GRIK3: variants seen among roughly 807,000 people sequenced by gnomAD.
GRIK3 encodes glutamate ionotropic receptor kainate type subunit 3.
In GRIK3, 29 loss-of-function variants were observed where a neutral mutation model predicts 102.5. The observed-to-expected ratio is 0.28, with a 90% CI of 0.21 to 0.39. The LOEUF (loss-of-function observed/expected upper bound fraction) is 0.39. Ranked by LOEUF, GRIK3 falls within the 10% of genes least tolerant of loss-of-function variation. GRIK3 has a pLI of 1.00. For missense variants in GRIK3, 908 were observed against 1,252.4 expected, an observed-to-expected ratio of 0.73 and a Z score of 4.15; for synonymous variants, 511 against 504.9, an observed-to-expected ratio of 1.01 and a Z score of -0.16.
chr1:36,946,284 C>A (rs1641783848), intron 1 of GRIK3, among the ~76,000 whole-genome samples: 1 of 152,248 alleles, frequency 6.6e-6, no homozygotes, highest in African/African-American at 2.4e-5. Context: ...GGCCCTTGGT[C>A]TATGTGAGCA....
At chr1:36,862,985 A>G (rs944512397) in intron 5 of GRIK3, among the ~76,000 whole-genome samples, 1 of 152,210 alleles carries the variant, frequency 6.6e-6, no homozygotes, top group African/African-American at 2.4e-5. Context: ...ATATCAGAAC[A>G]AGCAAAGTCA....
In GRIK3 at chr1:36,853,691, A is replaced by G. The variant is rs1482528175; in HGVS notation, c.1136T>C (p.Val379Ala). The G allele has an allele frequency of 1.2e-6, 2 of 1,613,720 alleles. No homozygotes were observed. Residue 379 changes from valine to alanine, a missense_variant, in exon 8 of 16, where the codon GTT becomes GCT. By Grantham distance (64) the Val-to-Ala change is moderately conservative (BLOSUM62 0). Coordinates refer to ENST00000373091, the MANE Select transcript of GRIK3 (RefSeq NM_000831.4). ...CCGCAAGCCACTAGTTTTGTTGAAA[A>G]CAATTCGTCCAGTTAATCCTTCCCA... ...AQWEGLTGRIVFNKTSGLRTD... is the reference protein window; with the variant it reads ...AQWEGLTGRIAFNKTSGLRTD...
intron 1 of GRIK3, among the ~76,000 whole-genome samples, chr1:36,924,377 C>A (rs1641505272): frequency 6.6e-6 from 1 of 152,166 alleles, no homozygotes; most frequent in Non-Finnish European, 1.5e-5. Context: ...CATCCTCCGC[C>A]CCGCCTCCCT....
intron 2 of GRIK3, among the ~76,000 whole-genome samples, chr1:36,882,870 C>G (rs1640997498): frequency 6.6e-6 from 1 of 152,210 alleles, no homozygotes; most frequent in South Asian, 2.1e-4. Context: ...TTAGAATTTG[C>G]ATGAACCAAG....
chr1:36,957,775 T>A (rs1434164703), intron 1 of GRIK3, among the ~76,000 whole-genome samples: 1 of 139,422 alleles, frequency 7.2e-6, no homozygotes, highest in Non-Finnish European at 1.5e-5. Context: ...GTGTGTCCCA[T>A]GAGTCTGTGC....
rs760333963 is a variant in GRIK3, at chr1:36,841,975, G to A, written c.1327-36C>T. ...AGATGGGCAGGGTGTGACGAAGACTGAGCAGCTAGGGCGGAGGCAGGCTTG... is the reference window on the plus strand; with the variant it reads ...AGATGGGCAGGGTGTGACGAAGACTAAGCAGCTAGGGCGGAGGCAGGCTTG... On this transcript the variant is annotated intron_variant, in intron 9 of 15. Transcript: ENST00000373091. The A allele has an allele frequency of 9.7e-6, 15 of 1,552,200 alleles. No homozygotes were observed. In the South Asian group the frequency reaches 1.6e-4, roughly 16 times the overall value.
At chr1:36,953,159 G>C (rs985347602) in intron 1 of GRIK3, among the ~76,000 whole-genome samples, 1 of 152,168 alleles carries the variant, frequency 6.6e-6, no homozygotes, top group East Asian at 1.9e-4. Flanking sequence ...CTAGCACTGA[G>C]GACAACGTGT....
At chr1:36,844,792 A>C (rs1359855418) in intron 9 of GRIK3, among the ~76,000 whole-genome samples, 2 of 152,090 alleles carry the variant, frequency 1.3e-5, no homozygotes, top group African/African-American at 2.4e-5. Context: ...CTTGTATGCT[A>C]TTTGGCGGGT....
At position 36,799,417 on chromosome 1, in the gene GRIK3, C is replaced by T. The variant is rs1642407628; in HGVS notation, c.*2434G>A. On this transcript the variant is annotated 3_prime_UTR_variant, in exon 16 of 16. Transcript: ENST00000373091. ...CACGTGGCTTCTTGTCTACAGCATGCATTGACCCATGTCACACGACTCTCT... is the reference window on the plus strand; with the variant it reads ...CACGTGGCTTCTTGTCTACAGCATGTATTGACCCATGTCACACGACTCTCT... The T allele has an allele frequency of 6.6e-6, 1 of 152,552 alleles. No homozygotes were observed. The allele number at this position is 152,552 out of a possible 1,614,324, so 9.4% of individuals were successfully genotyped here.
At chr1:36,916,780 C>T (rs185738134) in intron 1 of GRIK3, among the ~76,000 whole-genome samples, 8 of 152,298 alleles carry the variant, frequency 5.3e-5, no homozygotes, top group African/African-American at 1.4e-4. Flanking sequence ...GATGCCCAGA[C>T]AAAAGTTTGC....
chr1:36,919,121 C>G (rs114824243), intron 1 of GRIK3, among the ~76,000 whole-genome samples: 2,760 of 152,226 alleles, frequency 0.018, 44 homozygotes, highest in Middle Eastern at 0.048. Flanking sequence ...TCCACTGGTG[C>G]CTTCTCAGTG....
At chr1:36,898,038 C>A (rs1641192544) in intron 1 of GRIK3, among the ~76,000 whole-genome samples, 2 of 151,194 alleles carry the variant, frequency 1.3e-5, no homozygotes, top group African/African-American at 4.9e-5. Flanking sequence ...ATAAGCCAGG[C>A]ACAGAAAGAT....
In GRIK3 at chr1:36,813,944, C is replaced by G. The variant is rs187043991; in HGVS notation, c.2091+3116G>C. ...CAGGCATAAAGAGGAATTAATTGAC[C>G]ATAGGGACAGGAAGAAAGTGGAGTT... is the stretch of plus-strand genomic sequence containing the variant. On this transcript the variant is annotated intron_variant, in intron 13 of 15. Transcript: ENST00000373091. Among the ~76,000 whole-genome samples, 169 of 152,180 alleles carry G rather than the reference C, an allele frequency of 1.1e-3. No individual in the cohort carries two copies. In the South Asian group the frequency reaches 0.017, roughly 15 times the overall value.
At position 37,003,018 on chromosome 1, in the gene GRIK3, G is replaced by GTT. The variant is rs1306169886; in HGVS notation, c.115+30974_115+30975dup. On this transcript the variant is annotated intron_variant, in intron 1 of 15. Transcript: ENST00000373091. Reference sequence around the variant, plus strand: ...TTAAAATAAAGGGTTAATAAAAGCTGTTGTTTTTTTTTTTTTTTTTGTCCC... The same window carrying GTT: ...TTAAAATAAAGGGTTAATAAAAGCTGTTTTGTTTTTTTTTTTTTTTTTGTCCC... 1.7e-3 allele frequency among the ~76,000 whole-genome samples: 137 copies of GTT among 82,638 alleles called. 2 individuals carry two copies. Among genetic ancestry groups the GTT allele is most frequent in the African/African-American group, 6.4e-3 (133 of 20,672 alleles). The allele number at this position is 82,638 out of a possible 152,430, so 54.2% of individuals were successfully genotyped here.
intron 7 of GRIK3, among the ~76,000 whole-genome samples, chr1:36,855,151 G>A (rs961108123): frequency 1.3e-5 from 2 of 152,224 alleles, no homozygotes; most frequent in Non-Finnish European, 2.9e-5. Context: ...GGGCCAGAGA[G>A]AGGGTAGGGG....
At chr1:36,972,507 T>G (rs571624151) in intron 1 of GRIK3, among the ~76,000 whole-genome samples, 1 of 151,366 alleles carries the variant, frequency 6.6e-6, no homozygotes, top group South Asian at 2.1e-4. Context: ...AAACGGGAGG[T>G]GGGTTCTATC....
chr1:36,993,866 A>G (rs117091887), intron 1 of GRIK3, among the ~76,000 whole-genome samples: 1,645 of 152,338 alleles, frequency 0.011, 11 homozygotes, highest in Admixed American at 0.019. Flanking sequence ...CTGCAGGGCA[A>G]TACAGCTGCA....
At chr1:36,950,344 C>T (rs767996302) in intron 1 of GRIK3, among the ~76,000 whole-genome samples, 2 of 152,198 alleles carry the variant, frequency 1.3e-5, no homozygotes, top group Non-Finnish European at 2.9e-5. Context: ...TATAAATGCA[C>T]CATCCAGAAA....
rs868327907 is a variant in GRIK3 at position 37,012,237 on chromosome 1, G to A, written c.115+21757C>T. On this transcript the variant is annotated intron_variant, in intron 1 of 15. Coordinates refer to ENST00000373091, the MANE Select transcript of GRIK3 (RefSeq NM_000831.4). Reference sequence around the variant, plus strand: ...ATACAGCTAACATGGCTAGTTCAGCGATTTTGTAAAAAATAACCATGTGTT... The same window carrying A: ...ATACAGCTAACATGGCTAGTTCAGCAATTTTGTAAAAAATAACCATGTGTT... 7.2e-5 allele frequency among the ~76,000 whole-genome samples: 11 copies of A among 152,224 alleles called. 1 individual carries two copies. The highest frequency in any genetic ancestry group is 6.5e-4 in the Admixed American group (10 of 15,284).
Sources: allele counts gnomAD v4.1 joint callset (sites outside exome capture counted in the v4.1 genomes callset), GRCh38; gene constraint gnomAD v4.1.1; transcripts MANE v1.5; gene names NCBI Gene and HGNC (gene_info 2026-07-23, HGNC 2026-07-21).